CDKN2B-AS1: variants seen among roughly 807,000 people sequenced by gnomAD.
CDKN2B-AS1 encodes the protein CDKN2B and CDKN2A antisense cis and trans regulatory RNA 1.
rs139492236 is a variant in CDKN2B-AS1 at position 22,096,166 on chromosome 9, A to G, written n.439-30937A>G. ...ACAGTGCATCTGGGAAAGCTATACA[A>G]TTTTATTGTTATAGGACAAATGTTG... On this transcript the variant is annotated intron_variant and non_coding_transcript_variant, in intron 4 of 4. Transcript: ENST00000650946. 1.9e-3 allele frequency among the ~76,000 whole-genome samples: 295 copies of G among 152,324 alleles called. 2 individuals carry two copies. The highest frequency in any genetic ancestry group is 5.9e-3 in the African/African-American group (245 of 41,568).
At chr9:22,017,895 T>C (rs890199068) in intron 1 of CDKN2B-AS1, among the ~76,000 whole-genome samples, 1 of 152,232 alleles carries the variant, frequency 6.6e-6, no homozygotes, top group African/African-American at 2.4e-5. Flanking sequence ...TGGGAGCCAA[T>C]AATTGTGAAA....
chr9:22,098,910 G>T (rs1167120027), intron 4 of CDKN2B-AS1, among the ~76,000 whole-genome samples: 1 of 152,162 alleles, frequency 6.6e-6, no homozygotes, highest in Non-Finnish European at 1.5e-5. Flanking sequence ...AATGCTTACC[G>T]TGTTCAGGGC....
At chr9:22,114,730 C>T (rs1825901251) in intron 4 of CDKN2B-AS1, among the ~76,000 whole-genome samples, 1 of 152,182 alleles carries the variant, frequency 6.6e-6, no homozygotes, top group Non-Finnish European at 1.5e-5. Flanking sequence ...GAGGCAGCGG[C>T]TAAGACCATC....
intron 1 of CDKN2B-AS1, among the ~76,000 whole-genome samples, chr9:22,027,171 T>G (rs112441402): frequency 1.2e-4 from 14 of 120,794 alleles, no homozygotes; most frequent in Admixed American, 6.0e-4. Context: ...CCCTAAACCT[T>G]TCTAGCAAAA....
chr9:22,065,259 C>A (rs985421712), intron 4 of CDKN2B-AS1, among the ~76,000 whole-genome samples: 1 of 152,138 alleles, frequency 6.6e-6, no homozygotes, highest in Non-Finnish European at 1.5e-5. Context: ...CCACCAGGTT[C>A]CTCTTTCCAG....
intron 4 of CDKN2B-AS1, among the ~76,000 whole-genome samples, chr9:22,078,146 T>G (rs1219824663): frequency 6.6e-6 from 1 of 152,254 alleles, no homozygotes; most frequent in Non-Finnish European, 1.5e-5. Flanking sequence ...TTGAACTGAT[T>G]GTACTTACGA....
chr9:22,126,852 G>A (rs923042338), intron 4 of CDKN2B-AS1, among the ~76,000 whole-genome samples: 1 of 151,832 alleles, frequency 6.6e-6, no homozygotes, highest in Non-Finnish European at 1.5e-5. Context: ...GATTACAGGC[G>A]TGAGAAGTGA....
At chr9:22,038,278 C>T (rs1270007417) in intron 1 of CDKN2B-AS1, among the ~76,000 whole-genome samples, 1 of 151,688 alleles carries the variant, frequency 6.6e-6, no homozygotes, top group East Asian at 2.0e-4. Flanking sequence ...GAGTTTGCCA[C>T]CTAGAGGAGA....
chr9:22,012,045 T>G, intron 1 of CDKN2B-AS1: 1 of 571,690 alleles, frequency 1.7e-6, no homozygotes. Flanking sequence ...GTAATAATAT[T>G]TTTATATTCT....
chr9:22,091,456 T>G (rs1264373367), intron 4 of CDKN2B-AS1, among the ~76,000 whole-genome samples: 1 of 152,238 alleles, frequency 6.6e-6, no homozygotes, highest in Non-Finnish European at 1.5e-5. Flanking sequence ...TTCCTACCCA[T>G]GAGCATGGAA....
intron 4 of CDKN2B-AS1, among the ~76,000 whole-genome samples, chr9:22,082,174 T>G (rs1294363681): frequency 6.6e-6 from 1 of 152,238 alleles, no homozygotes; most frequent in Admixed American, 6.5e-5. Context: ...CAGAGTTGAT[T>G]TTTATAATTT....
chr9:22,021,700 A>G (rs561099164), intron 1 of CDKN2B-AS1, among the ~76,000 whole-genome samples: 4 of 152,212 alleles, frequency 2.6e-5, no homozygotes, highest in South Asian at 4.1e-4. Flanking sequence ...GGCTGAGACA[A>G]TGGGGTCTTC....
intron 1 of CDKN2B-AS1, chr9:22,009,086 A>C (rs1587388989): frequency 7.4e-7 from 1 of 1,355,050 alleles, no homozygotes. Flanking sequence ...CAGCTTCATT[A>C]CCCTCCCGTC....
chr9:22,009,438 G>T (rs974384280), intron 1 of CDKN2B-AS1: 11 of 294,360 alleles, frequency 3.7e-5, no homozygotes, highest in Non-Finnish European at 6.5e-5. Flanking sequence ...TCACGAGGGC[G>T]GGGAAGCCTG....
At chr9:22,080,288 A>T (rs1824649896) in intron 4 of CDKN2B-AS1, among the ~76,000 whole-genome samples, 1 of 152,218 alleles carries the variant, frequency 6.6e-6, no homozygotes, top group South Asian at 2.1e-4. Flanking sequence ...CTGCCAAAGT[A>T]TTTTGGAACA....
intron 1 of CDKN2B-AS1, among the ~76,000 whole-genome samples, chr9:22,040,029 C>G (rs1382029834): frequency 6.6e-6 from 1 of 152,018 alleles, no homozygotes; most frequent in East Asian, 1.9e-4. Flanking sequence ...TTAACAGAAG[C>G]TACGGAAGAG....
chr9:22,126,066 T>A (rs1408198434), intron 4 of CDKN2B-AS1, among the ~76,000 whole-genome samples: 1 of 152,130 alleles, frequency 6.6e-6, no homozygotes, highest in Non-Finnish European at 1.5e-5. Context: ...AACTTTTGAC[T>A]CCCCCAAAAC....
intron 1 of CDKN2B-AS1, among the ~76,000 whole-genome samples, chr9:22,033,968 A>G (rs1822582493): frequency 6.6e-6 from 1 of 152,254 alleles, no homozygotes; most frequent in South Asian, 2.1e-4. Context: ...GTAGGTGGCT[A>G]CAGCAGGGTT....
intron 1 of CDKN2B-AS1, chr9:22,009,353 C>T (rs1485849905): frequency 5.3e-6 from 2 of 375,632 alleles, no homozygotes; most frequent in Non-Finnish European, 9.7e-6. Context: ...GCCAAGGGGC[C>T]GGCGTCTCCC....
Sources: gnomAD v4.1 joint callset for allele counts (sites outside exome capture counted in the v4.1 genomes callset) on GRCh38, gnomAD v4.1.1 for gene constraint, MANE v1.5 for transcripts, NCBI Gene and HGNC (gene_info 2026-07-23, HGNC 2026-07-21) for gene names.